ARMC3: variants seen among roughly 807,000 people sequenced by gnomAD.
ARMC3 encodes the protein armadillo repeat-containing protein 3.
In ARMC3, 74 loss-of-function variants were observed where a neutral mutation model predicts 90.3. The observed-to-expected ratio is 0.82, with a 90% CI of 0.68 to 0.99. ARMC3 has a LOEUF of 0.99. Among genes scored for constraint, ARMC3 ranks in the 50% least tolerant of loss-of-function variants. The probability of loss-of-function intolerance (pLI) is 0.00; values close to 1 mark genes in which losing one functional copy is unlikely to be tolerated. For synonymous variants in ARMC3, 334 were observed against 361.8 expected (o/e 0.92, Z 0.87); for missense variants, 958 against 1,042.8 (o/e 0.92, Z 1.12).
intron 10 of ARMC3, among the ~76,000 whole-genome samples, chr10:22,995,986 G>A (rs140423640): frequency 6.6e-6 from 1 of 152,222 alleles, no homozygotes; most frequent in South Asian, 2.1e-4. Flanking sequence ...ACCACCAAGT[G>A]ACAAAGGAAT....
chr10:22,998,336 T>C lies in ARMC3; in HGVS notation c.1364T>C (p.Val455Ala). ...ISPLRSANTV[V>A]QSKAALAVTA... ...CCACTGCGTTCTGCAAACACAGTCG[T>C]GCAGAGCAAAGCTGCTCTCGCTGTC... Residue 455 changes from valine to alanine, a missense_variant, in exon 11 of 19, where the codon GTG becomes GCG. Physicochemically the swap from Val to Ala is moderately conservative, Grantham distance 64. Transcript: ENST00000298032. 6.2e-7 allele frequency: 1 copy of C among 1,613,938 alleles called. No homozygotes were observed. Among genetic ancestry groups the C allele is most frequent in the Non-Finnish European group, 8.5e-7 (1 of 1,179,936 alleles).
At chr10:22,961,583 A>G (rs1371572776) in intron 6 of ARMC3, 2 of 261,498 alleles carry the variant, frequency 7.6e-6, no homozygotes, top group Non-Finnish European at 1.4e-5. Context: ...GAAGAATTTC[A>G]TTATGCATAG....
intron 7 of ARMC3, among the ~76,000 whole-genome samples, chr10:22,963,298 T>G (rs1835283860): frequency 6.6e-6 from 1 of 152,202 alleles, no homozygotes; most frequent in Non-Finnish European, 1.5e-5. Context: ...GTGTTAATCC[T>G]ATTATACAAA....
intron 10 of ARMC3, among the ~76,000 whole-genome samples, chr10:22,996,895 A>T (rs1836987657): frequency 6.6e-6 from 1 of 152,008 alleles, no homozygotes; most frequent in Non-Finnish European, 1.5e-5. Context: ...ACCATACAGG[A>T]TGATGGGCTG....
At chr10:23,025,303 CG>C (rs1838673570) in intron 16 of ARMC3, among the ~76,000 whole-genome samples, 1 of 151,844 alleles carries the variant, frequency 6.6e-6, no homozygotes, top group Non-Finnish European at 1.5e-5. Flanking sequence ...GCAGAATACA[CG>C]TTTCATTAAA....
At chr10:23,009,660 G>A (rs1203860695) in intron 16 of ARMC3, among the ~76,000 whole-genome samples, 1 of 152,052 alleles carries the variant, frequency 6.6e-6, no homozygotes, top group African/African-American at 2.4e-5. Flanking sequence ...CACCATGCTC[G>A]GCTAATTTTT....
chr10:23,030,746 A>AT lies in ARMC3; in HGVS notation c.2197dup (p.Ser733PhefsTer9). The AT allele has an allele frequency of 6.2e-7, 1 of 1,613,736 alleles. No homozygotes were observed. The highest frequency in any genetic ancestry group is 8.5e-7 in the Non-Finnish European group (1 of 1,179,750). On this transcript the variant is annotated frameshift_variant, in exon 17 of 19. Coordinates refer to ENST00000298032, the MANE Select transcript of ARMC3 (RefSeq NM_173081.5). ...CTATGTATGTGTATGAGGTGACCAA[A>AT]TCAATACTGCCAATAACCAATATTA...
intron 4 of ARMC3, among the ~76,000 whole-genome samples, chr10:22,958,762 C>A (rs1228211333): frequency 6.6e-6 from 1 of 152,144 alleles, no homozygotes; most frequent in Non-Finnish European, 1.5e-5. Context: ...CACTCTGTTG[C>A]CCAGGCTAGA....
Position 22,973,669 on chromosome 10 carries a change from G to A in ARMC3, c.916+5180G>A, listed in dbSNP as rs140692671. Among the ~76,000 whole-genome samples the A allele has an allele frequency of 3.7e-3, 552 of 149,310 alleles. 6 individuals carry two copies. Among genetic ancestry groups the A allele is most frequent in the African/African-American group, 0.012 (486 of 40,738 alleles). On this transcript the variant is annotated intron_variant, in intron 8 of 18. Coordinates refer to ENST00000298032, the MANE Select transcript of ARMC3 (RefSeq NM_173081.5). ...ATCCTTATTCTTTTTTTAGCTATAT[G>A]ATCTGTCACAGATGAAGAGTAGTAT...
At chr10:22,972,513 C>T (rs1425548770) in intron 8 of ARMC3, among the ~76,000 whole-genome samples, 1 of 152,124 alleles carries the variant, frequency 6.6e-6, no homozygotes, top group South Asian at 2.1e-4. Flanking sequence ...ATTCTACTTC[C>T]TTTTGTTAGT....
rs553766233 is a variant in ARMC3 at position 23,024,101 on chromosome 10, T to C, written c.2046-6495T>C. Reference sequence around the variant, plus strand: ...CAGCCAAAGAAAAACTATGCATTTCTTGTAGGAAAACATCGACTCAAGTGA... The same window carrying C: ...CAGCCAAAGAAAAACTATGCATTTCCTGTAGGAAAACATCGACTCAAGTGA... On this transcript the variant is annotated intron_variant, in intron 16 of 18. Transcript: ENST00000298032. Among the ~76,000 whole-genome samples, 6 of 152,300 alleles carry C rather than the reference T, an allele frequency of 3.9e-5. No homozygotes were observed. In the East Asian group the frequency reaches 1.2e-3, roughly 29 times the overall value.
At chr10:22,959,014 C>A in intron 4 of ARMC3, 56 bp from the exon 5 acceptor site, 1 of 1,411,738 alleles carries the variant, frequency 7.1e-7, no homozygotes, top group Non-Finnish European at 1.0e-6. Flanking sequence ...TGAGCCACCA[C>A]ACCCGGCCTA....
chr10:23,004,502 T>C (rs950305842), intron 13 of ARMC3, among the ~76,000 whole-genome samples: 11 of 152,092 alleles, frequency 7.2e-5, no homozygotes, highest in Non-Finnish European at 1.2e-4. Context: ...CAAGCACCAC[T>C]AACACTGTAT....
intron 7 of ARMC3, among the ~76,000 whole-genome samples, chr10:22,966,755 G>A (rs1226263351): frequency 6.6e-6 from 1 of 152,092 alleles, no homozygotes; most frequent in East Asian, 1.9e-4. Flanking sequence ...CATCTTACAT[G>A]GCAGCAGATG....
At chr10:23,029,636 G>C (rs898106355) in intron 16 of ARMC3, among the ~76,000 whole-genome samples, 2 of 152,110 alleles carry the variant, frequency 1.3e-5, no homozygotes, top group Non-Finnish European at 2.9e-5. Context: ...CATCCTATAG[G>C]ACAATAAACT....
At chr10:22,932,081 A>T (rs771662972) in intron 2 of ARMC3, 37 bp downstream of exon 2, 4 of 1,536,482 alleles carry the variant, frequency 2.6e-6, no homozygotes, top group South Asian at 2.4e-5. Context: ...GCACTTTAAC[A>T]ACCAGTTATA....
At chr10:22,933,700 A>G (rs1016753168) in intron 2 of ARMC3, among the ~76,000 whole-genome samples, 1 of 152,104 alleles carries the variant, frequency 6.6e-6, no homozygotes, top group Non-Finnish European at 1.5e-5. Context: ...CCTGGCTAAC[A>G]TGGTGAAACC....
At chr10:22,983,152 A>C (rs1025098454) in intron 10 of ARMC3, among the ~76,000 whole-genome samples, 1 of 152,170 alleles carries the variant, frequency 6.6e-6, no homozygotes, top group Non-Finnish European at 1.5e-5. Flanking sequence ...TATCAGAGAC[A>C]CTAAACCATT....
At chr10:22,993,211 T>G (rs1253578829) in intron 10 of ARMC3, among the ~76,000 whole-genome samples, 1 of 152,218 alleles carries the variant, frequency 6.6e-6, no homozygotes, top group Non-Finnish European at 1.5e-5. Context: ...GAAGCAAGGA[T>G]TCAACTCTGA....
Sources: gnomAD v4.1 joint callset for allele counts (sites outside exome capture counted in the v4.1 genomes callset) on GRCh38, gnomAD v4.1.1 for gene constraint, MANE v1.5 for transcripts, NCBI Gene and HGNC (gene_info 2026-07-23, HGNC 2026-07-21) for gene names.